P2RX3: variants seen among roughly 807,000 people sequenced by gnomAD.
The protein encoded by P2RX3 is purinergic receptor P2X 3.
A neutral mutation model predicts 51.5 loss-of-function variants in P2RX3; 41 were observed. That is an observed-to-expected ratio of 0.80 (90% CI 0.62 to 1.03). The LOEUF is 1.03. Ranked by LOEUF, P2RX3 falls within the 50% of genes least tolerant of loss-of-function variation. The pLI, the probability that P2RX3 is intolerant of heterozygous loss-of-function variation, is 0.00. For missense variants in P2RX3, 459 were observed against 522.1 expected (o/e 0.88, Z 1.18); for synonymous variants, 185 against 191.6 (o/e 0.97, Z 0.29).
rs1856590940 is a variant in P2RX3, at chr11:57,354,079, C to T, written c.842+3181C>T. Among the ~76,000 whole-genome samples, 3 of 152,082 alleles carry T rather than the reference C, an allele frequency of 2.0e-5. No individual in the cohort carries two copies. The South Asian group carries it at 6.2e-4, about 32-fold the overall frequency. On this transcript the variant is annotated intron_variant, in intron 8 of 11. Coordinates refer to ENST00000263314, the MANE Select transcript of P2RX3 (RefSeq NM_002559.5). ...GGACCCATGTAAGAGATTACAGGCC[C>T]ATGTAATCACCCTGACACTGGGGGA...
chr11:57,336,030 G>A (rs923545051), upstream of P2RX3, among the ~76,000 whole-genome samples: 2 of 152,200 alleles, frequency 1.3e-5, no homozygotes, highest in Non-Finnish European at 2.9e-5. Context: ...CCTAGAAAAT[G>A]TGTGTAGGGC....
chr11:57,365,286 AGGC>A (rs1181832280), intron 8 of P2RX3, among the ~76,000 whole-genome samples: 2 of 152,226 alleles, frequency 1.3e-5, no homozygotes, highest in African/African-American at 4.8e-5. Flanking sequence ...GGAACTAACC[AGGC>A]CAGTGAAGGG....
rs930829015 is a variant in P2RX3, at chr11:57,371,646, C to G, written c.*1649C>G. On this transcript the variant is annotated 3_prime_UTR_variant, in exon 12 of 12. Coordinates refer to ENST00000263314, the MANE Select transcript of P2RX3 (RefSeq NM_002559.5). ...TCAACACCCCTTCCCTCACTCTGCC[C>G]TAACCCACAGCCCCATGCCCAGGAT... is the stretch of plus-strand genomic sequence containing the variant. Among the ~76,000 whole-genome samples, 1 of 152,246 alleles carries G rather than the reference C, an allele frequency of 6.6e-6. No homozygotes were observed. Among genetic ancestry groups the G allele is most frequent in the African/African-American group, 2.4e-5 (1 of 41,464 alleles).
intron 8 of P2RX3, among the ~76,000 whole-genome samples, chr11:57,357,497 G>T (rs572859694): frequency 6.6e-6 from 1 of 152,116 alleles, no homozygotes; most frequent in Admixed American, 6.5e-5. Context: ...GTATGGTAAC[G>T]CCCATTCTAC....
At chr11:57,361,878 C>G (rs745410743) in intron 8 of P2RX3, among the ~76,000 whole-genome samples, 1 of 152,354 alleles carries the variant, frequency 6.6e-6, no homozygotes, top group East Asian at 1.9e-4. Flanking sequence ...GCCTAACCCC[C>G]AGCCTAGGTT....
At chr11:57,358,367 A>G (rs1856663049) in intron 8 of P2RX3, among the ~76,000 whole-genome samples, 1 of 152,246 alleles carries the variant, frequency 6.6e-6, no homozygotes, top group Non-Finnish European at 1.5e-5. Flanking sequence ...GAATACAGAG[A>G]TGAACAAGAC....
chr11:57,337,329 A>AAAAAAAAAGG (rs1554965262), upstream of P2RX3, among the ~76,000 whole-genome samples: 13 of 77,290 alleles, frequency 1.7e-4, no homozygotes, highest in Non-Finnish European at 2.0e-4. Flanking sequence ...AAGAAAAAAA[A>AAAAAAAAAGG]AAGGAAGGGA....
chr11:57,369,255 T>A, intron 10 of P2RX3, 106 bp from the exon 11 acceptor site: 1 of 914,288 alleles, frequency 1.1e-6, no homozygotes, highest in East Asian at 2.6e-5. Flanking sequence ...TCCTGCCCAC[T>A]GTTTAGGCAG....
Position 57,369,933 on chromosome 11 carries a change from C to T in P2RX3, c.1130C>T (p.Pro377Leu), listed in dbSNP as rs781215709. The T allele has an allele frequency of 6.8e-6, 11 of 1,613,972 alleles. No individual in the cohort carries two copies. Among genetic ancestry groups the T allele is most frequent in the Non-Finnish European group, 8.5e-6 (10 of 1,180,008 alleles). The change falls in exon 12 of 12, where the codon CCC becomes CTC. Residue 377 changes from proline to leucine, a missense_variant. Pro to Leu is a moderately conservative substitution (Grantham distance 98). Transcript: ENST00000263314. The part of the protein sequence containing the change: ...KIAALTNPVY[P>L]SDQTTAEKQS... The stretch of plus-strand genomic sequence containing the variant: ...GCGGCTTTGACCAACCCAGTGTACC[C>T]CAGCGACCAGACCACAGCGGAGAAG...
chr11:57,369,381 C>A lies in P2RX3; in HGVS notation c.1023C>A (p.Ile341=). 1.2e-6 allele frequency: 2 copies of A among 1,611,132 alleles called. No homozygotes were observed. The highest frequency in any genetic ancestry group is 1.7e-6 in the Non-Finnish European group (2 of 1,178,848). Residue 341 remains isoleucine, a synonymous_variant, in exon 11 of 12, where the codon ATC becomes ATA. Transcript: ENST00000263314. ...SVGVGTVLCD[I]ILLNFLKGAD... ...TCCAGGGAACTGTTCTCTGTGACAT[C>A]ATCCTGCTCAACTTCCTCAAGGGGG...
chr11:57,347,548 TGGAGAG>T, intron 4 of P2RX3, 70 bp downstream of exon 4: 2 of 1,499,262 alleles, frequency 1.3e-6, no homozygotes, highest in Admixed American at 2.0e-5. Context: ...AGCCCGTCGT[TGGAGAG>T]GGAGTGGGAA....
chr11:57,342,148 C>CTTTTTTTT (rs67011422), intron 1 of P2RX3, among the ~76,000 whole-genome samples: 1 of 48,360 alleles, frequency 2.1e-5, no homozygotes, highest in Non-Finnish European at 3.4e-5. Context: ...GCTGCCCCAT[C>CTTTTTTTT]TTTTTTTTTT....
chr11:57,350,180 A>G, intron 7 of P2RX3: 1 of 452,870 alleles, frequency 2.2e-6, no homozygotes, highest in Non-Finnish European at 4.0e-6. Context: ...ATCTGTAATA[A>G]GCCCCAAACG....
chr11:57,358,917 TC>T (rs1341800202), intron 8 of P2RX3, among the ~76,000 whole-genome samples: 3 of 152,068 alleles, frequency 2.0e-5, no homozygotes, highest in Non-Finnish European at 4.4e-5. Flanking sequence ...ACGCACAACA[TC>T]CCAGCACTAT....
intron 8 of P2RX3, among the ~76,000 whole-genome samples, chr11:57,365,402 A>G (rs1590641210): frequency 6.6e-6 from 1 of 152,150 alleles, no homozygotes; most frequent in African/African-American, 2.4e-5. Flanking sequence ...CTGCCCAGCC[A>G]CCTCAGTGCC....
At chr11:57,350,944 G>A (rs769912441) in intron 8 of P2RX3, 46 bp downstream of exon 8, 1 of 1,612,822 alleles carries the variant, frequency 6.2e-7, no homozygotes, top group Admixed American at 1.7e-5. Flanking sequence ...GGTGCGGGCT[G>A]TTAACGGCAA....
chr11:57,368,229 C>A, intron 9 of P2RX3, 127 bp downstream of exon 9: 1 of 1,295,024 alleles, frequency 7.7e-7, no homozygotes, highest in South Asian at 1.2e-5. Flanking sequence ...CTCAGTGGGT[C>A]ACTCTCCCAT....
Position 57,370,046 on chromosome 11 carries a change from AG to A in P2RX3, c.*50del. ...TCACAAAGGCTCCAGGCCTCCCCAC[AG>A]AGGACCCTGCCTGAGCAAGGGGCAT... On this transcript the variant is annotated 3_prime_UTR_variant, in exon 12 of 12. Transcript: ENST00000263314. The A allele has an allele frequency of 2.3e-6, 3 of 1,328,746 alleles. No homozygotes were observed. Among genetic ancestry groups the A allele is most frequent in the Non-Finnish European group, 3.2e-6 (3 of 944,784 alleles). 82.3% of individuals were successfully genotyped at this position (1,328,746 alleles called of 1,614,324 possible).
At position 57,347,451 on chromosome 11, in the gene P2RX3, T is replaced by C; in HGVS notation, c.364T>C (p.Cys122Arg). ...EKYRCVSDSQ[C>R]GPERLPGGGI... ...ATACCGCTGTGTATCAGACAGCCAG[T>C]GCGGGCCTGAGCGCTTGCCAGGTGG... Residue 122 changes from cysteine (C) to arginine (R), a missense_variant, in exon 4 of 12, where the codon TGC (cysteine) becomes CGC (arginine). Cys to Arg is a radical substitution (Grantham distance 180). Transcript: ENST00000263314. 1 of 1,558,938 alleles carries C rather than the reference T, an allele frequency of 6.4e-7. No homozygotes were observed. The highest frequency in any genetic ancestry group is 8.7e-7 in the Non-Finnish European group (1 of 1,151,028).
Sources: gnomAD v4.1 joint callset for allele counts (sites outside exome capture counted in the v4.1 genomes callset) on GRCh38, gnomAD v4.1.1 for gene constraint, MANE v1.5 for transcripts, NCBI Gene and HGNC (gene_info 2026-07-23, HGNC 2026-07-21) for gene names.